Variants in STPG2 observed in about 807,000 individuals in gnomAD.
STPG2 encodes the protein sperm-tail PG-rich repeat-containing protein 2.
STPG2 carries 56 observed loss-of-function variants against 54.2 expected under a neutral mutation model. That is an observed-to-expected ratio of 1.03 (90% CI 0.83 to 1.29). The LOEUF (loss-of-function observed/expected upper bound fraction) is 1.29, where lower values mean the gene tolerates loss of function less well. STPG2 is among the 50% of genes most tolerant of loss of function. STPG2 has a pLI of 0.00. For synonymous variants in STPG2, 200 were observed against 181.8 expected (o/e 1.10, Z -0.81); for missense variants, 596 against 544.9 (o/e 1.09, Z -0.93).
intron 9 of STPG2, among the ~76,000 whole-genome samples, chr4:97,734,831 G>A (rs1464621193): frequency 6.6e-6 from 1 of 152,102 alleles, no homozygotes; most frequent in Non-Finnish European, 1.5e-5. Context: ...CTAGCACTTT[G>A]GGGGGCCGAG....
At position 97,593,857 on chromosome 4, in the gene STPG2, G is replaced by GC. The variant is rs568257823; in HGVS notation, c.1321-34741dup. ...GAACAAAACCAGGGGCTAGGTAACCGCCCCCCAAGATTTGGAGCATGTAGC... is the reference window on the plus strand; with the variant it reads ...GAACAAAACCAGGGGCTAGGTAACCGCCCCCCCAAGATTTGGAGCATGTAGC... On this transcript the variant is annotated intron_variant, in intron 10 of 10. Coordinates refer to ENST00000295268, the MANE Select transcript of STPG2 (RefSeq NM_174952.3). Among the ~76,000 whole-genome samples the GC allele has an allele frequency of 5.1e-3, 768 of 151,212 alleles. 4 individuals are homozygous for GC. The highest frequency in any genetic ancestry group is 0.02 in the South Asian group (98 of 4,824).
At chr4:97,549,537 A>G (rs1332272464) in intron 4 of STPG2, among the ~76,000 whole-genome samples, 1 of 152,194 alleles carries the variant, frequency 6.6e-6, no homozygotes, top group Non-Finnish European at 1.5e-5. Context: ...GCTTCCCAAA[A>G]GATACATTCC....
intron 8 of STPG2, among the ~76,000 whole-genome samples, chr4:97,907,847 C>G (rs1731504061): frequency 6.6e-6 from 1 of 152,066 alleles, no homozygotes; most frequent in Admixed American, 6.5e-5. Flanking sequence ...CCCTTCCTTA[C>G]ACCTTATACA....
intron 9 of STPG2, among the ~76,000 whole-genome samples, chr4:97,840,004 CATA>C (rs1387098578): frequency 1.3e-5 from 2 of 151,506 alleles, no homozygotes; most frequent in African/African-American, 2.4e-5. Context: ...TGTAAAATAG[CATA>C]ATAACTGACT....
chr4:97,711,419 A>G (rs1724114354), intron 10 of STPG2, among the ~76,000 whole-genome samples: 2 of 152,074 alleles, frequency 1.3e-5, no homozygotes, highest in African/African-American at 2.4e-5. Context: ...TCCTAAAACC[A>G]TACAAATACC....
intron 10 of STPG2, among the ~76,000 whole-genome samples, chr4:97,701,816 G>A (rs1228524918): frequency 6.6e-6 from 1 of 152,164 alleles, no homozygotes; most frequent in South Asian, 2.1e-4. Flanking sequence ...TGTCTCTGCT[G>A]TCCATCACAG....
At position 97,822,545 on chromosome 4, in the gene STPG2, A is replaced by T. The variant is rs1728124020; in HGVS notation, c.1204+18228T>A. ...CTGTGTTAGGCTATTCTTGCTATAAAGAAATACTTAAGACTGGGTAATACA... is the reference window on the plus strand; with the variant it reads ...CTGTGTTAGGCTATTCTTGCTATAATGAAATACTTAAGACTGGGTAATACA... On this transcript the variant is annotated intron_variant, in intron 9 of 10. Coordinates refer to ENST00000295268, the MANE Select transcript of STPG2 (RefSeq NM_174952.3). Among the ~76,000 whole-genome samples the T allele has an allele frequency of 2.6e-5, 4 of 152,218 alleles. No homozygotes were observed. In the South Asian group the frequency reaches 8.3e-4, roughly 31 times the overall value.
At chr4:98,090,316 C>A (rs1234498748) in intron 5 of STPG2, among the ~76,000 whole-genome samples, 1 of 152,070 alleles carries the variant, frequency 6.6e-6, no homozygotes, top group African/African-American at 2.4e-5. Context: ...TGTCCTTTCC[C>A]AATTTATGTT....
Position 97,712,811 on chromosome 4 carries a change from G to A in STPG2, c.1208C>T (p.Pro403Leu), listed in dbSNP as rs149202445. Reference protein sequence around the residue: ...CLEKVTDGPGPAAYNPVLRKS... With the variant: ...CLEKVTDGPGLAAYNPVLRKS... ...CCTTAAAACAGGATTGTATGCTGCA[G>A]GACCTGAGAGACAACAAATGTAAAA... The change falls in exon 10 of 11, where the codon CCT (proline) becomes CTT (leucine). Residue 403 changes from proline to leucine, a missense_variant. Transcript: ENST00000295268. 6.5e-4 allele frequency: 1,022 copies of A among 1,567,264 alleles called. 1 individual carries two copies. Among genetic ancestry groups the A allele is most frequent in the Non-Finnish European group, 8.0e-4 (926 of 1,157,702 alleles).
chr4:98,051,204 A>C (rs1186964466), intron 5 of STPG2, among the ~76,000 whole-genome samples: 1 of 152,182 alleles, frequency 6.6e-6, no homozygotes, highest in Non-Finnish European at 1.5e-5. Flanking sequence ...TGCCAAAGTT[A>C]AAATTAATTC....
chr4:97,696,728 C>G (rs553385038), intron 10 of STPG2, among the ~76,000 whole-genome samples: 1 of 152,264 alleles, frequency 6.6e-6, no homozygotes, highest in Admixed American at 6.5e-5. Context: ...CAAGAGCAGA[C>G]AATTCTCAAG....
intron 5 of STPG2, among the ~76,000 whole-genome samples, chr4:98,041,551 A>C (rs1736958317): frequency 6.6e-6 from 1 of 151,940 alleles, no homozygotes; most frequent in African/African-American, 2.4e-5. Flanking sequence ...AGTGATGCTA[A>C]ATTTTATCAA....
chr4:97,458,710 G>A (rs534490991), intron 4 of STPG2, among the ~76,000 whole-genome samples: 3 of 152,090 alleles, frequency 2.0e-5, no homozygotes, highest in Non-Finnish European at 4.4e-5. Context: ...AAGGATGAGA[G>A]GATAATGACC....
At chr4:97,501,862 A>G (rs1730732528) in intron 4 of STPG2, among the ~76,000 whole-genome samples, 1 of 152,078 alleles carries the variant, frequency 6.6e-6, no homozygotes, top group African/African-American at 2.4e-5. Context: ...GATCACAGAG[A>G]TGAGATGAAA....
chr4:98,014,337 A>G (rs1160853049), intron 5 of STPG2, among the ~76,000 whole-genome samples: 3 of 151,934 alleles, frequency 2.0e-5, no homozygotes, highest in Non-Finnish European at 4.4e-5. Flanking sequence ...CTGAGAGACT[A>G]TTATTATCAG....
intron 8 of STPG2, among the ~76,000 whole-genome samples, chr4:97,902,445 AC>A (rs1294972518): frequency 6.6e-6 from 1 of 152,144 alleles, no homozygotes; most frequent in Non-Finnish European, 1.5e-5. Flanking sequence ...GAACTCATAA[AC>A]TCAACAAAAA....
At chr4:97,723,483 A>G (rs767167343) in intron 9 of STPG2, among the ~76,000 whole-genome samples, 5 of 152,170 alleles carry the variant, frequency 3.3e-5, no homozygotes, top group Non-Finnish European at 7.4e-5. Context: ...TTTCTTTTTA[A>G]TTAAAAAATC....
At chr4:97,616,808 T>G (rs1733885034) in intron 10 of STPG2, among the ~76,000 whole-genome samples, 2 of 152,070 alleles carry the variant, frequency 1.3e-5, no homozygotes, top group African/African-American at 4.8e-5. Context: ...TTAACAAAAT[T>G]TAACCAATGT....
At chr4:98,138,361 A>T (rs1468672734) in intron 1 of STPG2, among the ~76,000 whole-genome samples, 4 of 152,096 alleles carry the variant, frequency 2.6e-5, no homozygotes, top group Non-Finnish European at 4.4e-5. Flanking sequence ...AATTAAGTGT[A>T]TAGAAGAGGA....
Sources: gnomAD v4.1 joint callset for allele counts (sites outside exome capture counted in the v4.1 genomes callset) on GRCh38, gnomAD v4.1.1 for gene constraint, MANE v1.5 for transcripts, NCBI Gene and HGNC (gene_info 2026-07-23, HGNC 2026-07-21) for gene names.